ABCG2: variants seen among roughly 807,000 people sequenced by gnomAD.
ABCG2 encodes broad substrate specificity ATP-binding cassette transporter ABCG2.
In ABCG2, 80 loss-of-function variants were observed where a neutral mutation model predicts 73.5. The observed-to-expected ratio is 1.09, with a 90% CI of 0.91 to 1.31. The LOEUF (loss-of-function observed/expected upper bound fraction) is 1.31. Among genes scored for constraint, ABCG2 ranks in the 50% most tolerant of loss-of-function variants. The pLI, the probability that ABCG2 is intolerant of heterozygous loss-of-function variation, is 0.00. For synonymous variants in ABCG2, 269 were observed against 282.4 expected, an observed-to-expected ratio of 0.95 and a Z score of 0.48; for missense variants, 796 against 786.2, an observed-to-expected ratio of 1.01 and a Z score of -0.15.
chr4:88,095,676 C>G, intron 13 of ABCG2, 67 bp from the exon 14 acceptor site: 1 of 1,245,602 alleles, frequency 8.0e-7, no homozygotes, highest in South Asian at 1.2e-5. Context: ...TAGAGAATAC[C>G]CTCTTCAAGT....
intron 1 of ABCG2, among the ~76,000 whole-genome samples, chr4:88,143,015 T>C (rs1360341706): frequency 6.6e-6 from 1 of 152,162 alleles, no homozygotes; most frequent in Admixed American, 6.6e-5. Flanking sequence ...ATACAGAATT[T>C]TTTCATCATT....
intron 1 of ABCG2, among the ~76,000 whole-genome samples, chr4:88,227,984 C>T (rs1326475896): frequency 6.6e-6 from 1 of 152,150 alleles, no homozygotes; most frequent in Non-Finnish European, 1.5e-5. Flanking sequence ...CAAATTGCTT[C>T]ACTGGGACCT....
rs1008030905 is a variant in ABCG2 at position 88,102,511 on chromosome 4, G to A, written c.1278-1192C>T. 6.6e-5 allele frequency among the ~76,000 whole-genome samples: 10 copies of A among 151,678 alleles called. No individual in the cohort carries two copies. The South Asian group carries it at 8.3e-4, about 13-fold the overall frequency. ...CTCAGGAGGCTGAGGCAGGAGAATC[G>A]CTTGAACCTGGGACGTGGAGGTTGC... On this transcript the variant is annotated intron_variant, in intron 10 of 15. Coordinates refer to ENST00000237612, the MANE Select transcript of ABCG2 (RefSeq NM_004827.3).
chr4:88,222,049 A>G (rs7696853), intron 1 of ABCG2, among the ~76,000 whole-genome samples: 151,470 of 152,306 alleles, frequency 0.99, 75,324 homozygotes, highest in East Asian at 1. Context: ...CCCTCTTGCT[A>G]TGTGCAACCT....
chr4:88,191,202 T>C (rs1728676048), intron 1 of ABCG2, among the ~76,000 whole-genome samples: 1 of 135,424 alleles, frequency 7.4e-6, no homozygotes, highest in African/African-American at 2.6e-5. Context: ...CGATTTTGGC[T>C]CACTGCGTGC....
intron 1 of ABCG2, among the ~76,000 whole-genome samples, chr4:88,210,239 A>T (rs1426857519): frequency 6.6e-6 from 1 of 151,872 alleles, no homozygotes; most frequent in Non-Finnish European, 1.5e-5. Context: ...ATATACGTTT[A>T]AGACAGTGCC....
intron 1 of ABCG2, among the ~76,000 whole-genome samples, chr4:88,180,216 C>G (rs758346619): frequency 2.0e-5 from 3 of 152,068 alleles, no homozygotes; most frequent in African/African-American, 7.2e-5. Context: ...CTCTAATATT[C>G]CTGGCAGCAG....
At chr4:88,144,968 A>G (rs78645217) in intron 1 of ABCG2, among the ~76,000 whole-genome samples, 26 of 131,468 alleles carry the variant, frequency 2.0e-4, no homozygotes, top group Non-Finnish European at 3.8e-4. Flanking sequence ...TGAGAAGAGG[A>G]AAAAAAAAAA....
chr4:88,210,959 C>T (rs1184144224), intron 1 of ABCG2, among the ~76,000 whole-genome samples: 1 of 151,898 alleles, frequency 6.6e-6, no homozygotes, highest in African/African-American at 2.4e-5. Context: ...CCCCTGTATT[C>T]CCAGCTACTC....
chr4:88,187,265 G>A (rs1728503960), intron 1 of ABCG2, among the ~76,000 whole-genome samples: 1 of 151,972 alleles, frequency 6.6e-6, no homozygotes, highest in African/African-American at 2.4e-5. Context: ...GAAATTTATT[G>A]TACATCTTAA....
chr4:88,115,708 C>T (rs185659496), intron 7 of ABCG2, among the ~76,000 whole-genome samples: 66 of 151,972 alleles, frequency 4.3e-4, no homozygotes, highest in Middle Eastern at 3.4e-3. Flanking sequence ...TTGGTCCTTA[C>T]CTATCATAAT....
intron 9 of ABCG2, among the ~76,000 whole-genome samples, 185 bp downstream of exon 9, chr4:88,113,118 G>C (rs1215246639): frequency 6.6e-6 from 1 of 152,132 alleles, no homozygotes; most frequent in African/African-American, 2.4e-5. Context: ...CTCAAAAAAA[G>C]GGAAGCTTTC....
At chr4:88,180,725 C>G (rs529136105) in intron 1 of ABCG2, among the ~76,000 whole-genome samples, 1 of 151,998 alleles carries the variant, frequency 6.6e-6, no homozygotes, top group South Asian at 2.1e-4. Flanking sequence ...TGCACCCTAA[C>G]CTAGCTAACA....
chr4:88,102,219 C>T (rs1722471656), intron 10 of ABCG2, among the ~76,000 whole-genome samples: 1 of 152,196 alleles, frequency 6.6e-6, no homozygotes, highest in South Asian at 2.1e-4. Context: ...GTGACACTTA[C>T]TGATAAAGAA....
Position 88,097,565 on chromosome 4 carries a change from G to T in ABCG2, c.1535C>A (p.Thr512Asn), listed in dbSNP as rs1002012563. 2 of 1,614,168 alleles carry T rather than the reference G, an allele frequency of 1.2e-6. No individual in the cohort carries two copies. The highest frequency in any genetic ancestry group is 2.2e-5 in the East Asian group (1 of 44,880). ...GGCTGAATAAGCCACCATCATAAGG[G>T]TAAACATCATAACGAAGAAGGCATC... ...KADAFFVMMF[T>N]LMMVAYSASS... The change falls in exon 13 of 16, where the codon ACC becomes AAC. Residue 512 changes from threonine (T) to asparagine (N), a missense_variant. Coordinates refer to ENST00000237612, the MANE Select transcript of ABCG2 (RefSeq NM_004827.3).
In ABCG2 at chr4:88,101,283, A is replaced by C. The variant is rs771215704; in HGVS notation, c.1314T>G (p.Cys438Trp). The C allele has an allele frequency of 6.2e-7, 1 of 1,614,142 alleles. No homozygotes were observed. The highest frequency in any genetic ancestry group is 1.1e-5 in the South Asian group (1 of 91,080). Residue 438 changes from cysteine to tryptophan, a missense_variant, in exon 11 of 16, where the codon TGT (cysteine) becomes TGG (tryptophan). Cys to Trp is a radical substitution (Grantham distance 215, BLOSUM62 -2). Coordinates refer to ENST00000237612, the MANE Select transcript of ABCG2 (RefSeq NM_004827.3). ...GVLFFLTTNQ[C>W]FSSVSAVELF... ...GTTCCACGGCTGAAACACTGCTGAAACACTGGTTGGTCGTCAGGAAGAAGA... is the reference window on the plus strand; with the variant it reads ...GTTCCACGGCTGAAACACTGCTGAACCACTGGTTGGTCGTCAGGAAGAAGA...
intron 2 of ABCG2, among the ~76,000 whole-genome samples, chr4:88,136,422 G>A (rs1408543489): frequency 6.6e-6 from 1 of 152,162 alleles, no homozygotes; most frequent in African/African-American, 2.4e-5. Flanking sequence ...TAAGTACACA[G>A]TGAGTCTGGA....
intron 11 of ABCG2, among the ~76,000 whole-genome samples, chr4:88,100,711 T>C (rs1722348939): frequency 6.6e-6 from 1 of 152,142 alleles, no homozygotes; most frequent in South Asian, 2.1e-4. Flanking sequence ...TGCTCTTTAC[T>C]GTAAGAATGC....
chr4:88,225,967 A>T (rs1730195453), intron 1 of ABCG2, among the ~76,000 whole-genome samples: 1 of 152,098 alleles, frequency 6.6e-6, no homozygotes, highest in Non-Finnish European at 1.5e-5. Flanking sequence ...CTACCAGGAG[A>T]ACAGTATAGG....
Sources: gnomAD v4.1 joint callset for allele counts (sites outside exome capture counted in the v4.1 genomes callset) on GRCh38, gnomAD v4.1.1 for gene constraint, MANE v1.5 for transcripts, NCBI Gene and HGNC (gene_info 2026-07-23, HGNC 2026-07-21) for gene names.